The following RAPGEF5 variants were observed in gnomAD, a reference collection of about 807,000 sequenced individuals.
RAPGEF5 encodes Rap guanine nucleotide exchange factor 5, also known as M-Ras-regulated GEF.
In RAPGEF5, 65 loss-of-function variants were observed where a neutral mutation model predicts 125.2. The observed-to-expected ratio is 0.52, with a 90% CI of 0.43 to 0.64. The LOEUF (loss-of-function observed/expected upper bound fraction) is 0.64, where lower values mean the gene tolerates loss of function less well. Among genes scored for constraint, RAPGEF5 ranks in the 30% least tolerant of loss-of-function variants. The probability of loss-of-function intolerance (pLI) is 0.00; values close to 1 mark genes in which losing one functional copy is unlikely to be tolerated. For synonymous variants in RAPGEF5, 391 were observed against 385.9 expected (o/e 1.01, Z -0.16); for missense variants, 958 against 1,048.1 (o/e 0.91, Z 1.19).
intron 11 of RAPGEF5, among the ~76,000 whole-genome samples, chr7:22,175,450 G>C (rs186376007): frequency 6.6e-6 from 1 of 152,194 alleles, no homozygotes; most frequent in Non-Finnish European, 1.5e-5. Flanking sequence ...CTCTCACAAG[G>C]AGCTGGGATG....
chr7:22,315,939 C>A (rs1783580181), intron 2 of RAPGEF5, among the ~76,000 whole-genome samples: 1 of 152,106 alleles, frequency 6.6e-6, no homozygotes, highest in South Asian at 2.1e-4. Context: ...ACATCTCGAA[C>A]CATGACACAA....
In RAPGEF5 at chr7:22,357,040, G is replaced by T; in HGVS notation, c.21C>A (p.Ser7=). 9.7e-7 allele frequency: 1 copy of T among 1,032,700 alleles called. No homozygotes were observed. The highest frequency in any genetic ancestry group is 1.2e-6 in the Non-Finnish European group (1 of 862,300). The allele number at this position is 1,032,700 out of a possible 1,614,324, so 64.0% of individuals were successfully genotyped here. A position where few individuals can be genotyped will look rare whatever the true frequency, so the allele number is the denominator to read the frequency against. ...TCTCGCACGGCGGCTGCATCTTGACGGAGCCCACGGCCATCCTCATGCCCT... is the reference window on the plus strand; with the variant it reads ...TCTCGCACGGCGGCTGCATCTTGACTGAGCCCACGGCCATCCTCATGCCCT... MRMAVG[S]VKMQPPCESP... is the part of the protein sequence containing the mutation. The change falls in exon 1 of 26, where the codon TCC becomes TCA. Residue 7 remains serine (S), a synonymous_variant. Transcript: ENST00000665637.
intron 11 of RAPGEF5, among the ~76,000 whole-genome samples, chr7:22,181,263 G>C (rs1784664231): frequency 6.6e-6 from 1 of 152,158 alleles, no homozygotes; most frequent in Admixed American, 6.5e-5. Context: ...CTTACTTGCT[G>C]TCAGTACTAC....
At chr7:22,140,161 T>C in intron 20 of RAPGEF5, 46 bp from the exon 21 acceptor site, 1 of 1,486,894 alleles carries the variant, frequency 6.7e-7, no homozygotes, top group Admixed American at 2.0e-5. Flanking sequence ...AAACATTCTT[T>C]CCCCAGATAA....
At chr7:22,331,516 C>T (rs185953621) in intron 1 of RAPGEF5, among the ~76,000 whole-genome samples, 292 of 152,090 alleles carry the variant, frequency 1.9e-3, no homozygotes, top group African/African-American at 6.5e-3. Context: ...GAGGCCGAGG[C>T]GGGCGGATCA....
chr7:22,149,923 A>C (rs1242983800), intron 18 of RAPGEF5, among the ~76,000 whole-genome samples: 1 of 105,978 alleles, frequency 9.4e-6, no homozygotes. Flanking sequence ...AGTTGGATTG[A>C]ACTGAATTGC....
chr7:22,281,135 G>C (rs1220377853), intron 6 of RAPGEF5, among the ~76,000 whole-genome samples: 1 of 152,128 alleles, frequency 6.6e-6, no homozygotes. Flanking sequence ...TAGGGTTCTG[G>C]GGTCTCTGAG....
intron 1 of RAPGEF5, among the ~76,000 whole-genome samples, chr7:22,319,949 C>T (rs983099861): frequency 1.3e-5 from 2 of 152,124 alleles, no homozygotes; most frequent in African/African-American, 4.8e-5. Context: ...TCTACACACT[C>T]GTGTTACACT....
chr7:22,132,253 G>C (rs1007368115), intron 23 of RAPGEF5, among the ~76,000 whole-genome samples: 44 of 152,238 alleles, frequency 2.9e-4, no homozygotes, highest in African/African-American at 9.6e-4. Context: ...AGCTTTTACT[G>C]TCACCAGGAG....
intron 1 of RAPGEF5, among the ~76,000 whole-genome samples, chr7:22,344,885 G>T (rs1784194474): frequency 6.6e-6 from 1 of 152,238 alleles, no homozygotes; most frequent in South Asian, 2.1e-4. Context: ...TCACGGAGGT[G>T]GTAAACAGCC....
chr7:22,180,527 T>C (rs1357756440), intron 11 of RAPGEF5, among the ~76,000 whole-genome samples: 1 of 152,204 alleles, frequency 6.6e-6, no homozygotes, highest in Non-Finnish European at 1.5e-5. Flanking sequence ...AACTGACTGA[T>C]ATCAGAGTGG....
intron 8 of RAPGEF5, among the ~76,000 whole-genome samples, chr7:22,230,173 T>C (rs1786023360): frequency 6.6e-6 from 1 of 152,246 alleles, no homozygotes; most frequent in Non-Finnish European, 1.5e-5. Context: ...CAGGTTTGCT[T>C]GGAAGCCTGC....
At chr7:22,286,361 C>A (rs911856678) in intron 6 of RAPGEF5, among the ~76,000 whole-genome samples, 26 of 152,218 alleles carry the variant, frequency 1.7e-4, no homozygotes, top group African/African-American at 6.3e-4. Flanking sequence ...CACAACTTAG[C>A]CTAACTCACA....
rs1783047255 is a variant in RAPGEF5 at position 22,135,347 on chromosome 7, CTGAA to C, written c.2416+687_2416+690del. ...GGAAGCATACAGGTAAAGATTTACA[CTGAA>C]TGTCAGCGGTATACACCAGATTAAA... On this transcript the variant is annotated intron_variant, in intron 23 of 25. Transcript: ENST00000665637. Among the ~76,000 whole-genome samples, 5 of 152,202 alleles carry C rather than the reference CTGAA, an allele frequency of 3.3e-5. No individual in the cohort carries two copies. The South Asian group carries it at 1.0e-3, about 31-fold the overall frequency.
intron 25 of RAPGEF5, among the ~76,000 whole-genome samples, chr7:22,123,614 T>C (rs1485078939): frequency 6.6e-6 from 1 of 152,198 alleles, no homozygotes; most frequent in Non-Finnish European, 1.5e-5. Context: ...ATTTAAGACC[T>C]GTATGACATG....
chr7:22,303,056 A>C (rs1783249527), intron 5 of RAPGEF5, among the ~76,000 whole-genome samples: 2 of 152,222 alleles, frequency 1.3e-5, no homozygotes, highest in Non-Finnish European at 2.9e-5. Context: ...ACCACAGCTG[A>C]ATTGAAATAG....
chr7:22,277,726 T>C (rs143436428), intron 6 of RAPGEF5, among the ~76,000 whole-genome samples: 35 of 152,288 alleles, frequency 2.3e-4, no homozygotes, highest in Middle Eastern at 3.4e-3. Context: ...CATGGGCTCC[T>C]ACATCTCAGA....
intron 24 of RAPGEF5, among the ~76,000 whole-genome samples, chr7:22,126,845 A>T (rs1390069229): frequency 6.6e-6 from 1 of 152,016 alleles, no homozygotes; most frequent in African/African-American, 2.4e-5. Context: ...CTGGTCTCGA[A>T]CTCCTGACCT....
intron 1 of RAPGEF5, among the ~76,000 whole-genome samples, chr7:22,333,768 C>A (rs1783971100): frequency 6.6e-6 from 1 of 152,222 alleles, no homozygotes; most frequent in Non-Finnish European, 1.5e-5. Context: ...TGGCTTGGAG[C>A]CACTATTGTT....
Sources: gnomAD v4.1 joint callset for allele counts (sites outside exome capture counted in the v4.1 genomes callset) on GRCh38, gnomAD v4.1.1 for gene constraint, MANE v1.5 for transcripts, NCBI Gene and HGNC (gene_info 2026-07-23, HGNC 2026-07-21) for gene names.